The following HERC5 variants were observed in gnomAD, a reference collection of about 807,000 sequenced individuals.
HERC5 encodes E3 ISG15--protein ligase HERC5.
HERC5 carries 99 observed loss-of-function variants against 119.6 expected under a neutral mutation model. That is an observed-to-expected ratio of 0.83 (90% confidence interval 0.70 to 0.98). The LOEUF is 0.98. Among genes scored for constraint, HERC5 ranks in the 50% least tolerant of loss-of-function variants. The probability of loss-of-function intolerance (pLI) is 0.00; values close to 1 mark genes in which losing one functional copy is unlikely to be tolerated. For synonymous variants in HERC5, 478 were observed against 445.9 expected (o/e 1.07, Z -0.91); for missense variants, 1,267 against 1,241.3 (o/e 1.02, Z -0.31).
Position 88,493,022 on chromosome 4 carries a change from G to A in HERC5, c.2144G>A (p.Ser715Asn), listed in dbSNP as rs950776860. 6.2e-7 allele frequency: 1 copy of A among 1,613,838 alleles called. No individual in the cohort carries two copies. The highest frequency in any genetic ancestry group is 8.5e-7 in the Non-Finnish European group (1 of 1,179,874). The part of the protein sequence containing the change: ...DLRKELWVSF[S>N]GEIGYDLGGV... Reference sequence around the variant, plus strand: ...GCTCTGTTTCCTCAGGTTTCATTTAGTGGAGAAATTGGGTATGACCTCGGA... The same window carrying A: ...GCTCTGTTTCCTCAGGTTTCATTTAATGGAGAAATTGGGTATGACCTCGGA... The change falls in exon 17 of 23, where the codon AGT becomes AAT. Residue 715 changes from serine to asparagine, a missense_variant. This residue lies in a region of HERC5 where 473 missense variants were observed against 445.7 expected (regional missense o/e 1.06). Transcript: ENST00000264350.
intron 13 of HERC5, among the ~76,000 whole-genome samples, chr4:88,483,956 T>TA (rs1203631520): frequency 2.6e-5 from 4 of 152,224 alleles, no homozygotes; most frequent in Non-Finnish European, 4.4e-5. Context: ...ATTGACATGT[T>TA]AGACTTTTTC....
chr4:88,486,510 G>T (rs1741471269), intron 14 of HERC5, among the ~76,000 whole-genome samples: 1 of 152,194 alleles, frequency 6.6e-6, no homozygotes, highest in South Asian at 2.1e-4. Flanking sequence ...CCTTAAAGTG[G>T]TCATAACAAG....
chr4:88,494,259 C>T lies in HERC5; in HGVS notation c.2372C>T (p.Ala791Val). ...GTTGCCAACCTTCCTTTCCCACTGGCACTGTTTAAGAAACTTTTGGACCAA... is the reference window on the plus strand; with the variant it reads ...GTTGCCAACCTTCCTTTCCCACTGGTACTGTTTAAGAAACTTTTGGACCAA... The part of the protein sequence containing the change: ...CNVANLPFPL[A>V]LFKKLLDQMP... The change falls in exon 18 of 23, where the codon GCA becomes GTA. Residue 791 changes from alanine (A) to valine (V), a missense_variant. By Grantham distance (64) the Ala-to-Val change is moderately conservative. Transcript: ENST00000264350. 6.2e-7 allele frequency: 1 copy of T among 1,613,452 alleles called. No individual in the cohort carries two copies. Among genetic ancestry groups the T allele is most frequent in the Non-Finnish European group, 8.5e-7 (1 of 1,179,622 alleles).
chr4:88,459,450 C>CTATATA lies in HERC5; in HGVS notation c.373_374insTATATA (p.Tyr124_Ser125insIleTyr). ...ATGGAAAACCATTTGAGTATGACAA[C>CTATATA]TATAGCATGAAACATCTAAGGTAGG... On this transcript the variant is annotated inframe_insertion, in exon 2 of 23. Coordinates refer to ENST00000264350, the MANE Select transcript of HERC5 (RefSeq NM_016323.4). 1 of 1,563,072 alleles carries CTATATA rather than the reference C, an allele frequency of 6.4e-7. No individual in the cohort carries two copies. Among genetic ancestry groups the CTATATA allele is most frequent in the Non-Finnish European group, 8.6e-7 (1 of 1,157,934 alleles).
chr4:88,487,660 C>G (rs1158565905), intron 15 of HERC5, among the ~76,000 whole-genome samples: 2 of 152,170 alleles, frequency 1.3e-5, no homozygotes, highest in Non-Finnish European at 2.9e-5. Flanking sequence ...GAGGTTTGTA[C>G]AGATTCCTCC....
intron 13 of HERC5, among the ~76,000 whole-genome samples, 196 bp downstream of exon 13, chr4:88,479,703 A>G (rs563721595): frequency 1.2e-3 from 181 of 152,264 alleles, no homozygotes; most frequent in Non-Finnish European, 2.2e-3. Context: ...TCAAGGAAAA[A>G]TAATAAAATA....
chr4:88,500,835 A>T (rs932495440), intron 19 of HERC5, 80 bp from the exon 20 acceptor site: 3 of 1,044,666 alleles, frequency 2.9e-6, no homozygotes, highest in East Asian at 2.5e-5. Flanking sequence ...TTTAGAAAGT[A>T]TGCTCCAAAG....
intron 13 of HERC5, among the ~76,000 whole-genome samples, chr4:88,483,519 CTTTT>C (rs1162985782): frequency 6.0e-5 from 5 of 83,178 alleles, no homozygotes; most frequent in African/African-American, 2.4e-4. Context: ...GCTCTATAGG[CTTTT>C]TTTTTTTTTT....
intron 11 of HERC5, among the ~76,000 whole-genome samples, chr4:88,475,346 A>G (rs1282971092): frequency 3.4e-5 from 4 of 118,594 alleles, no homozygotes; most frequent in Non-Finnish European, 6.6e-5. Context: ...TTTTTTTGAG[A>G]TGGAGTCTTG....
rs753133847 is a variant in HERC5 at position 88,489,222 on chromosome 4, T to G, written c.2019T>G (p.Ser673=). 1 of 1,613,902 alleles carries G rather than the reference T, an allele frequency of 6.2e-7. No homozygotes were observed. The highest frequency in any genetic ancestry group is 1.1e-5 in the South Asian group (1 of 91,002). Residue 673 remains serine (S), a synonymous_variant, in exon 16 of 23, where the codon TCT becomes TCG. Coordinates refer to ENST00000264350, the MANE Select transcript of HERC5 (RefSeq NM_016323.4). The part of the protein sequence containing the change: ...RSAAIEEERE[S]EFALRPTFDL... ...CAGCAATTGAGGAAGAAAGAGAGTC[T>G]GAATTCGCTTTGAGGCCCACGTTTG...
chr4:88,468,937 C>T (rs772993183), intron 8 of HERC5, among the ~76,000 whole-genome samples: 4 of 152,068 alleles, frequency 2.6e-5, no homozygotes, highest in Non-Finnish European at 4.4e-5. Flanking sequence ...GTGTTGAGTC[C>T]TCAAAGAAAT....
chr4:88,476,248 A>T (rs112154548), intron 12 of HERC5, among the ~76,000 whole-genome samples: 1 of 152,164 alleles, frequency 6.6e-6, no homozygotes, highest in African/African-American at 2.4e-5. Flanking sequence ...TGGCTTTGTC[A>T]TGATTTCCTT....
At chr4:88,487,004 T>G (rs1032365417) in intron 14 of HERC5, 65 bp from the exon 15 acceptor site, 16 of 1,074,824 alleles carry the variant, frequency 1.5e-5, no homozygotes, top group African/African-American at 9.4e-5. Flanking sequence ...TGTAAGGCTA[T>G]GAGGTAAAGT....
chr4:88,472,607 C>G, intron 11 of HERC5, 105 bp downstream of exon 11: 1 of 750,844 alleles, frequency 1.3e-6, no homozygotes, highest in Non-Finnish European at 2.3e-6. Flanking sequence ...TCTCCGAGAC[C>G]TTGTAGCATA....
chr4:88,463,352 C>CT (rs1226475664), intron 4 of HERC5, among the ~76,000 whole-genome samples, 180 bp from the exon 5 acceptor site: 3 of 151,956 alleles, frequency 2.0e-5, no homozygotes, highest in Admixed American at 6.6e-5. Flanking sequence ...CTTTTGGCCA[C>CT]TGGTCCCACC....
In HERC5 at chr4:88,463,574, A is replaced by G. The variant is rs1312999865; in HGVS notation, c.731A>G (p.Lys244Arg). The G allele has an allele frequency of 6.2e-7, 1 of 1,613,710 alleles. No homozygotes were observed. The highest frequency in any genetic ancestry group is 8.5e-7 in the Non-Finnish European group (1 of 1,179,862). Reference protein sequence around the residue: ...PSLIEGLDNQKVEFVACGGSH... With the variant: ...PSLIEGLDNQRVEFVACGGSH... ...CTTATTGAAGGACTAGACAATCAGAAAGTTGAATTTGTCGCTTGTGGTGGC... is the reference window on the plus strand; with the variant it reads ...CTTATTGAAGGACTAGACAATCAGAGAGTTGAATTTGTCGCTTGTGGTGGC... Residue 244 changes from lysine (K) to arginine (R), a missense_variant, in exon 5 of 23, where the codon AAA (lysine) becomes AGA (arginine). This residue lies in a region of HERC5 where 777 missense variants were observed against 758.0 expected (regional missense o/e 1.03). Coordinates refer to ENST00000264350, the MANE Select transcript of HERC5 (RefSeq NM_016323.4).
chr4:88,490,059 C>A (rs1741586679), intron 16 of HERC5, among the ~76,000 whole-genome samples: 1 of 152,096 alleles, frequency 6.6e-6, no homozygotes, highest in Admixed American at 6.5e-5. Flanking sequence ...AGAGAATTTT[C>A]TCTTTAAATC....
At chr4:88,461,164 A>T (rs530925543) in intron 3 of HERC5, among the ~76,000 whole-genome samples, 1 of 152,216 alleles carries the variant, frequency 6.6e-6, no homozygotes, top group Non-Finnish European at 1.5e-5. Context: ...TTTGACCTTC[A>T]TTGCAAGGCC....
intron 18 of HERC5, among the ~76,000 whole-genome samples, chr4:88,497,500 G>T (rs1741832775): frequency 6.6e-6 from 1 of 152,198 alleles, no homozygotes; most frequent in Non-Finnish European, 1.5e-5. Flanking sequence ...TTGTATCCTA[G>T]TGTTTTGTGG....
Sources: gnomAD v4.1 joint callset for allele counts (sites outside exome capture counted in the v4.1 genomes callset) on GRCh38, gnomAD v4.1.1 for gene constraint, gnomAD v4.1.1 regional missense constraint, MANE v1.5 for transcripts, NCBI Gene and HGNC (gene_info 2026-07-23, HGNC 2026-07-21) for gene names.